LRRC7: variants seen among roughly 807,000 people sequenced by gnomAD.
LRRC7 encodes the protein leucine-rich repeat-containing protein 7.
A neutral mutation model predicts 175.7 loss-of-function variants in LRRC7; 23 were observed. That is an observed-to-expected ratio of 0.13 (90% CI 0.09 to 0.19). The LOEUF (loss-of-function observed/expected upper bound fraction) is 0.19. Ranked by LOEUF, LRRC7 falls within the 10% of genes least tolerant of loss-of-function variation. The pLI, the probability that LRRC7 is intolerant of heterozygous loss-of-function variation, is 1.00. For missense variants in LRRC7, 1,354 were observed against 1,904.7 expected, an observed-to-expected ratio of 0.71 and a Z score of 5.38; for synonymous variants, 685 against 680.9, an observed-to-expected ratio of 1.01 and a Z score of -0.09.
intron 25 of LRRC7, among the ~76,000 whole-genome samples, 177 bp downstream of exon 25, chr1:70,089,996 A>T (rs900711561): frequency 1.3e-5 from 2 of 152,146 alleles, no homozygotes; most frequent in African/African-American, 4.8e-5. Flanking sequence ...GCAGCGCTTG[A>T]CACATACTAA....
chr1:69,796,032 G>T (rs1569935167), intron 4 of LRRC7, among the ~76,000 whole-genome samples: 2 of 150,518 alleles, frequency 1.3e-5, no homozygotes, highest in Admixed American at 6.6e-5. Context: ...ACATATGTAT[G>T]CATGTGCCAT....
At chr1:69,592,688 T>C (rs1646686964) in intron 1 of LRRC7, among the ~76,000 whole-genome samples, 1 of 152,104 alleles carries the variant, frequency 6.6e-6, no homozygotes. Flanking sequence ...CCTCTCACTT[T>C]TATATTTAGC....
intron 26 of LRRC7, among the ~76,000 whole-genome samples, chr1:70,111,695 C>T (rs183977773): frequency 1.1e-4 from 17 of 152,048 alleles, no homozygotes; most frequent in African/African-American, 4.1e-4. Flanking sequence ...GATGAATAGA[C>T]TGGAAAAAAA....
At chr1:69,649,533 TG>T (rs1378102702) in intron 1 of LRRC7, among the ~76,000 whole-genome samples, 1 of 152,188 alleles carries the variant, frequency 6.6e-6, no homozygotes, top group African/African-American at 2.4e-5. Flanking sequence ...AAAAATATTC[TG>T]GGATTGCTTT....
chr1:69,828,177 G>A (rs1401195839), intron 5 of LRRC7, among the ~76,000 whole-genome samples: 1 of 152,084 alleles, frequency 6.6e-6, no homozygotes, highest in Admixed American at 6.6e-5. Context: ...CTGTACCTCA[G>A]TTGATAGGCA....
At chr1:69,862,410 A>G (rs1684450810) in intron 7 of LRRC7, among the ~76,000 whole-genome samples, 1 of 152,148 alleles carries the variant, frequency 6.6e-6, no homozygotes, top group South Asian at 2.1e-4. Flanking sequence ...AAAACTGAGT[A>G]TTTTCACTGA....
chr1:69,945,645 T>G (rs1392985263), intron 8 of LRRC7, among the ~76,000 whole-genome samples: 2 of 152,152 alleles, frequency 1.3e-5, no homozygotes, highest in Admixed American at 1.3e-4. Context: ...TAGGATATCT[T>G]TCCACTTATT....
At chr1:69,713,462 C>A (rs573119249) in intron 2 of LRRC7, among the ~76,000 whole-genome samples, 1 of 152,168 alleles carries the variant, frequency 6.6e-6, no homozygotes, top group South Asian at 2.1e-4. Flanking sequence ...TGCCACTGCA[C>A]CCCAGCCTGG....
chr1:69,595,111 A>G (rs886769127), intron 1 of LRRC7, among the ~76,000 whole-genome samples: 1 of 152,110 alleles, frequency 6.6e-6, no homozygotes, highest in African/African-American at 2.4e-5. Flanking sequence ...TGAGACAGGC[A>G]CTATCAATGT....
chr1:70,062,131 G>A (rs1467111519), intron 23 of LRRC7, among the ~76,000 whole-genome samples: 1 of 152,084 alleles, frequency 6.6e-6, no homozygotes, highest in Non-Finnish European at 1.5e-5. Flanking sequence ...ATATATTAGT[G>A]ATATATTAAG....
At chr1:69,897,137 T>G (rs1052704386) in intron 7 of LRRC7, among the ~76,000 whole-genome samples, 3 of 152,188 alleles carry the variant, frequency 2.0e-5, no homozygotes, top group Non-Finnish European at 4.4e-5. Flanking sequence ...ATTCCCATTT[T>G]ATAAACAGGG....
In LRRC7 at chr1:69,568,508, C is replaced by A; in HGVS notation, c.-132C>A. ...TCTCCTGTTCTTCCTACCTTCTACT[C>A]CTTCCCTCCTCTTCTCCTCCGAAGA... On this transcript the variant is annotated 5_prime_UTR_variant, in exon 1 of 27. Coordinates refer to ENST00000651989, the MANE Select transcript of LRRC7 (RefSeq NM_001370785.2). 1.3e-6 allele frequency: 1 copy of A among 768,366 alleles called. No individual in the cohort carries two copies. The highest frequency in any genetic ancestry group is 1.9e-6 in the Non-Finnish European group (1 of 529,412). 47.6% of individuals were successfully genotyped at this position (768,366 alleles called of 1,614,324 possible). A position where few individuals can be genotyped will look rare whatever the true frequency, so the allele number is the denominator to read the frequency against.
intron 1 of LRRC7, among the ~76,000 whole-genome samples, chr1:69,665,202 C>T (rs1658090154): frequency 6.6e-6 from 1 of 152,108 alleles, no homozygotes; most frequent in South Asian, 2.1e-4. Context: ...ATTTTGTTTA[C>T]TATAGCTCTG....
intron 7 of LRRC7, among the ~76,000 whole-genome samples, chr1:69,890,739 G>C (rs1645809392): frequency 6.6e-6 from 1 of 152,130 alleles, no homozygotes; most frequent in Non-Finnish European, 1.5e-5. Flanking sequence ...TTAATTATCT[G>C]AGCTAGATCT....
intron 2 of LRRC7, among the ~76,000 whole-genome samples, chr1:69,720,442 T>G (rs1425179072): frequency 6.6e-6 from 1 of 151,614 alleles, no homozygotes. Context: ...AGTTTAAGGA[T>G]TACTTAGAAC....
At chr1:69,952,669 A>T (rs547453305) in intron 8 of LRRC7, among the ~76,000 whole-genome samples, 12 of 152,048 alleles carry the variant, frequency 7.9e-5, no homozygotes, top group Non-Finnish European at 1.3e-4. Flanking sequence ...AGAAGCATAC[A>T]TCTATAGTAA....
chr1:69,814,177 G>T (rs1913268), intron 4 of LRRC7, among the ~76,000 whole-genome samples: 2 of 151,696 alleles, frequency 1.3e-5, no homozygotes, highest in African/African-American at 2.4e-5. Flanking sequence ...TGCATAATGG[G>T]TTAAAAAAGA....
rs1570327780 is a variant in LRRC7, at chr1:69,852,180, T to G, written c.647+13897T>G. Among the ~76,000 whole-genome samples the G allele has an allele frequency of 2.0e-5, 3 of 152,210 alleles. No homozygotes were observed. The South Asian group carries it at 6.3e-4, about 32-fold the overall frequency. ...TTCTCGATGGGAGCATTTTTCACAT[T>G]ATGTTGAATTTGTTGTCTACGTGTA... On this transcript the variant is annotated intron_variant, in intron 7 of 26. Coordinates refer to ENST00000651989, the MANE Select transcript of LRRC7 (RefSeq NM_001370785.2).
chr1:69,713,006 G>A lies in LRRC7; in HGVS notation c.100+34528G>A, dbSNP rs114800234. Among the ~76,000 whole-genome samples the A allele has an allele frequency of 6.4e-3, 973 of 152,226 alleles. 10 individuals carry two copies. Among genetic ancestry groups the A allele is most frequent in the African/African-American group, 0.022 (917 of 41,548 alleles). ...AATGGCGAATCTCCCTGAACGTGGA[G>A]GGGCACGTTTTGTTTTCAACAAAAT... On this transcript the variant is annotated intron_variant, in intron 2 of 26. Coordinates refer to ENST00000651989, the MANE Select transcript of LRRC7 (RefSeq NM_001370785.2).
Sources: gnomAD v4.1 joint callset for allele counts (sites outside exome capture counted in the v4.1 genomes callset) on GRCh38, gnomAD v4.1.1 for gene constraint, MANE v1.5 for transcripts, NCBI Gene and HGNC (gene_info 2026-07-23, HGNC 2026-07-21) for gene names.